MDM2: variants seen among roughly 807,000 people sequenced by gnomAD.
MDM2 encodes MDM2 proto-oncogene.
Under a neutral mutation model 64.3 loss-of-function variants are expected in MDM2, and 11 were observed. The observed-to-expected ratio is 0.17, with a 90% CI of 0.11 to 0.28. The LOEUF (loss-of-function observed/expected upper bound fraction) is 0.28, where lower values mean the gene tolerates loss of function less well. Ranked by LOEUF, MDM2 falls within the 10% of genes least tolerant of loss-of-function variation. The probability of loss-of-function intolerance (pLI) is 1.00; values close to 1 mark genes in which losing one functional copy is unlikely to be tolerated. For missense variants in MDM2, 388 were observed against 577.1 expected (o/e 0.67, Z 3.36); for synonymous variants, 194 against 192.9 (o/e 1.01, Z -0.05).
At position 68,816,362 on chromosome 12, in the gene MDM2, C is replaced by CTTTT. The variant is rs62874563; in HGVS notation, c.175-425_175-422dup. Among the ~76,000 whole-genome samples, 377 of 61,088 alleles carry CTTTT rather than the reference C, an allele frequency of 6.2e-3. 43 individuals are homozygous for CTTTT. Among genetic ancestry groups the CTTTT allele is most frequent in the African/African-American group, 0.023 (346 of 14,908 alleles). The allele number at this position is 61,088 out of a possible 152,430, so 40.1% of individuals were successfully genotyped here. ...TTAAATGGAAAAGGCTTAAAAGTAG[C>CTTTT]TTTTTTTTTTTTTTTTTTTTTTTTT... On this transcript the variant is annotated intron_variant, in intron 3 of 10. Coordinates refer to ENST00000258149, the MANE Select transcript of MDM2 (RefSeq NM_002392.6).
rs1339958751 is a variant in MDM2 at position 68,808,508 on chromosome 12, G to C, written c.14+17G>C. ...GAGGAGCAGGTACTGGCCCGGCAGC[G>C]AGCGGTCACTTTTGGGTCTGGGCTC... is the stretch of plus-strand genomic sequence containing the variant. On this transcript the variant is annotated intron_variant, in intron 1 of 10. Transcript: ENST00000258149. The C allele has an allele frequency of 1.2e-6, 2 of 1,613,952 alleles. No homozygotes were observed. The highest frequency in any genetic ancestry group is 1.7e-6 in the Non-Finnish European group (2 of 1,179,980).
Position 68,840,624 on chromosome 12 carries a change from G to C in MDM2, c.*775G>C, listed in dbSNP as rs1883686612. On this transcript the variant is annotated 3_prime_UTR_variant, in exon 11 of 11. Transcript: ENST00000258149. ...GGGTTCAAGCCATTCTCCTGGCTCA[G>C]CCTCTGGAGCAGCTGGGATTACAGG... is the stretch of plus-strand genomic sequence containing the variant. 1 of 177,918 alleles carries C rather than the reference G, an allele frequency of 5.6e-6. No homozygotes were observed. Among genetic ancestry groups the C allele is most frequent in the Non-Finnish European group, 1.2e-5 (1 of 83,170 alleles). 11.0% of individuals were successfully genotyped at this position (177,918 alleles called of 1,614,324 possible).
chr12:68,813,700 G>A (rs1158907816), intron 3 of MDM2, 72 bp downstream of exon 3: 7 of 1,103,296 alleles, frequency 6.3e-6, no homozygotes, highest in African/African-American at 1.6e-5. Context: ...TCAAGACCAT[G>A]TGGAGAAATT....
In MDM2 at chr12:68,844,277, CTG is replaced by C. The variant is rs918465435; in HGVS notation, c.*4429_*4430del. 1 of 218,970 alleles carries C rather than the reference CTG, an allele frequency of 4.6e-6. No homozygotes were observed. The highest frequency in any genetic ancestry group is 2.2e-5 in the African/African-American group (1 of 44,660). The allele number at this position is 218,970 out of a possible 1,614,324, so 13.6% of individuals were successfully genotyped here. ...TATTTGGGTAACAAAAGGCACAAGT[CTG>C]AATGTGTTTCTTTTTCTGGAATGGC... On this transcript the variant is annotated 3_prime_UTR_variant, in exon 11 of 11. Coordinates refer to ENST00000258149, the MANE Select transcript of MDM2 (RefSeq NM_002392.6).
intron 2 of MDM2, among the ~76,000 whole-genome samples, chr12:68,810,826 C>T (rs1262294547): frequency 1.3e-5 from 2 of 151,362 alleles, no homozygotes; most frequent in South Asian, 2.1e-4. Flanking sequence ...TCATTTTTCT[C>T]TAGTTTCTTG....
At chr12:68,815,119 T>C (rs1846401) in intron 3 of MDM2, among the ~76,000 whole-genome samples, 14,631 of 152,216 alleles carry the variant, frequency 0.096, 2,355 homozygotes, top group African/African-American at 0.33. Context: ...AGACAGTGTT[T>C]GTAGGAAAGG....
Position 68,841,641 on chromosome 12 carries a change from CT to C in MDM2, c.*1794del. The stretch of plus-strand genomic sequence containing the variant: ...ACAACTCTAAGACACTTTAAAGTAC[CT>C]TCTTGGCCTGGGTTACATGGTTCCC... On this transcript the variant is annotated 3_prime_UTR_variant, in exon 11 of 11. Coordinates refer to ENST00000258149, the MANE Select transcript of MDM2 (RefSeq NM_002392.6). The C allele has an allele frequency of 9.6e-6, 2 of 209,278 alleles. No homozygotes were observed. The highest frequency in any genetic ancestry group is 1.9e-5 in the Non-Finnish European group (2 of 103,068). 13.0% of individuals were successfully genotyped at this position (209,278 alleles called of 1,614,324 possible). A position where few individuals can be genotyped will look rare whatever the true frequency, so the allele number is the denominator to read the frequency against.
intron 8 of MDM2, among the ~76,000 whole-genome samples, chr12:68,834,461 G>T (rs1364579293): frequency 1.3e-5 from 2 of 151,572 alleles, no homozygotes; most frequent in Admixed American, 6.6e-5. Flanking sequence ...AAAGGGCCGG[G>T]CATGGTGGCT....
At chr12:68,835,771 CAG>C (rs1176193827) in intron 8 of MDM2, 56 bp from the exon 9 acceptor site, 2 of 1,512,526 alleles carry the variant, frequency 1.3e-6, no homozygotes, top group Non-Finnish European at 1.8e-6. Flanking sequence ...AGTTAGGAAA[CAG>C]ATACAGAGGT....
At chr12:68,833,266 T>TATATATTTATATAAATATAAATATAAAA (rs1882988203) in intron 8 of MDM2, among the ~76,000 whole-genome samples, 1 of 78,916 alleles carries the variant, frequency 1.3e-5, no homozygotes, top group Non-Finnish European at 3.2e-5. Context: ...TTTATATAAT[T>TATATATTTATATAAATATAAATATAAAA]ATATATTTAT....
At chr12:68,839,099 ATAAC>A (rs3730653) in intron 10 of MDM2, among the ~76,000 whole-genome samples, 171 bp from the exon 11 acceptor site, 52,389 of 151,652 alleles carry the variant, frequency 0.35, 9,656 homozygotes, top group Non-Finnish European at 0.42. Flanking sequence ...ATACCAATAT[ATAAC>A]TAACTATAGT....
At chr12:68,811,641 G>T in intron 2 of MDM2, among the ~76,000 whole-genome samples, 1 of 121,966 alleles carries the variant, frequency 8.2e-6, no homozygotes, top group African/African-American at 3.4e-5. Context: ...GTCTTGGTCT[G>T]TTGCCCAGGC....
intron 8 of MDM2, among the ~76,000 whole-genome samples, chr12:68,835,377 A>G (rs781438395): frequency 2.6e-5 from 4 of 152,222 alleles, no homozygotes; most frequent in Non-Finnish European, 4.4e-5. Flanking sequence ...TTGAAATGCC[A>G]AGATTAGTTG....
chr12:68,822,897 C>A (rs902519198), intron 5 of MDM2, among the ~76,000 whole-genome samples: 1 of 151,976 alleles, frequency 6.6e-6, no homozygotes, highest in Non-Finnish European at 1.5e-5. Flanking sequence ...CCTGCCACCA[C>A]GTCCGGTTAA....
At chr12:68,811,439 ATTTTC>A (rs2136109961) in intron 2 of MDM2, among the ~76,000 whole-genome samples, 1 of 151,914 alleles carries the variant, frequency 6.6e-6, no homozygotes, top group African/African-American at 2.4e-5. Flanking sequence ...ATATTCCTAT[ATTTTC>A]TTCTAGATTT....
In MDM2 at chr12:68,808,338, A is replaced by G; in HGVS notation, c.-140A>G. ...AGCCAGGAGCACCGTCCCTCCCCGG[A>G]TTAGTGCGTACGAGCGCCCAGTGCC... On this transcript the variant is annotated 5_prime_UTR_variant, in exon 1 of 11. Coordinates refer to ENST00000258149, the MANE Select transcript of MDM2 (RefSeq NM_002392.6). 1 of 1,103,858 alleles carries G rather than the reference A, an allele frequency of 9.1e-7. No individual in the cohort carries two copies. The allele number at this position is 1,103,858 out of a possible 1,614,324, so 68.4% of individuals were successfully genotyped here.
intron 5 of MDM2, among the ~76,000 whole-genome samples, chr12:68,822,282 G>T (rs1355926934): frequency 1.3e-5 from 2 of 151,788 alleles, no homozygotes; most frequent in South Asian, 2.1e-4. Context: ...CCAAAGTTAG[G>T]ATTTAAAGCC....
rs545586642 is a variant in MDM2, at chr12:68,815,187, A to G, written c.174+1559A>G. On this transcript the variant is annotated intron_variant, in intron 3 of 10. Transcript: ENST00000258149. ...GGGATTGACCTTATTATCATTGGAT[A>G]ATCAGTTAAGGAAACAAAAAAGTAT... Among the ~76,000 whole-genome samples the G allele has an allele frequency of 4.6e-5, 7 of 152,338 alleles. No individual in the cohort carries two copies. In the South Asian group the frequency reaches 1.2e-3, roughly 27 times the overall value.
intron 10 of MDM2, among the ~76,000 whole-genome samples, chr12:68,837,717 A>G (rs1187054304): frequency 1.3e-5 from 2 of 152,214 alleles, no homozygotes; most frequent in African/African-American, 4.8e-5. Flanking sequence ...GCCATTAAAG[A>G]AATTAACACT....
Sources: allele counts gnomAD v4.1 joint callset (sites outside exome capture counted in the v4.1 genomes callset), GRCh38; gene constraint gnomAD v4.1.1; transcripts MANE v1.5; gene names NCBI Gene and HGNC (gene_info 2026-07-23, HGNC 2026-07-21).